Variants in CTNND2 observed in about 807,000 individuals in gnomAD.
CTNND2 encodes catenin delta-2.
In CTNND2, 22 loss-of-function variants were observed where a neutral mutation model predicts 144.4. The ratio of observed to expected loss-of-function variants is 0.15; its 90% CI spans 0.11 to 0.22. The LOEUF (loss-of-function observed/expected upper bound fraction) is 0.22, where lower values mean the gene tolerates loss of function less well. Among genes scored for constraint, CTNND2 ranks in the 10% least tolerant of loss-of-function variants. The pLI is 1.00. For missense variants in CTNND2, 1,353 were observed against 1,618.8 expected, an observed-to-expected ratio of 0.84 and a Z score of 2.82; for synonymous variants, 751 against 695.6, an observed-to-expected ratio of 1.08 and a Z score of -1.25.
At chr5:11,503,216 A>T (rs1247224853) in intron 3 of CTNND2, among the ~76,000 whole-genome samples, 2 of 152,212 alleles carry the variant, frequency 1.3e-5, no homozygotes, top group Non-Finnish European at 2.9e-5. Flanking sequence ...TGCAGGGGAG[A>T]CACAGCTTAT....
At chr5:11,557,495 C>T (rs1776322816) in intron 3 of CTNND2, among the ~76,000 whole-genome samples, 1 of 152,148 alleles carries the variant, frequency 6.6e-6, no homozygotes, top group Non-Finnish European at 1.5e-5. Flanking sequence ...ATCTGCATTA[C>T]TAGCCCACAA....
At position 11,397,196 on chromosome 5, in the gene CTNND2, G is replaced by C. The variant is rs1448873858; in HGVS notation, c.447C>G (p.Ser149Arg). 9 of 1,613,652 alleles carry C rather than the reference G, an allele frequency of 5.6e-6. No homozygotes were observed. The Admixed American group carries it at 1.3e-4, about 24-fold the overall frequency. Residue 149 changes from serine (S) to arginine (R), a missense_variant, in exon 6 of 22, where the codon AGC becomes AGG. Physicochemically the swap from Ser to Arg is moderately radical, Grantham distance 110. This residue lies in a region of CTNND2 where 708 missense variants were observed against 706.4 expected (regional missense o/e 1.00). Transcript: ENST00000304623. ...PQDYSTGERP[S>R]LLSQSALQLN... is the part of the protein sequence containing the mutation. ...GCTGAAGTGCACTCTGGGAGAGCAGGCTGGGCCCTGCATTGAAAGTCATTT... is the reference window on the plus strand; with the variant it reads ...GCTGAAGTGCACTCTGGGAGAGCAGCCTGGGCCCTGCATTGAAAGTCATTT...
intron 15 of CTNND2, among the ~76,000 whole-genome samples, chr5:11,093,434 T>C (rs181195618): frequency 1.8e-4 from 28 of 152,306 alleles, no homozygotes; most frequent in African/African-American, 5.8e-4. Context: ...AAAACATTTA[T>C]CACTTTGCTT....
chr5:11,582,545 C>T (rs1778517366), intron 2 of CTNND2, among the ~76,000 whole-genome samples: 2 of 152,228 alleles, frequency 1.3e-5, no homozygotes, highest in African/African-American at 4.8e-5. Context: ...AACAGCAGTG[C>T]ATTCCCTGTG....
intron 1 of CTNND2, among the ~76,000 whole-genome samples, chr5:11,793,958 C>CAAA (rs1323576787): frequency 1.3e-5 from 2 of 152,208 alleles, no homozygotes; most frequent in African/African-American, 2.4e-5. Flanking sequence ...ATATTTATGG[C>CAAA]ATATACTTAT....
intron 1 of CTNND2, among the ~76,000 whole-genome samples, chr5:11,815,402 T>C (rs1792567881): frequency 6.6e-6 from 1 of 152,212 alleles, no homozygotes; most frequent in Admixed American, 6.5e-5. Flanking sequence ...ATGTGAAAGA[T>C]GTCATTTAAT....
chr5:11,278,493 G>A (rs192453484), intron 9 of CTNND2, among the ~76,000 whole-genome samples: 7 of 152,282 alleles, frequency 4.6e-5, no homozygotes, highest in African/African-American at 1.4e-4. Flanking sequence ...AGGTGCTAGA[G>A]GGGACAAGCA....
chr5:11,591,431 C>G (rs532276148), intron 2 of CTNND2, among the ~76,000 whole-genome samples: 102 of 152,284 alleles, frequency 6.7e-4, no homozygotes, highest in Non-Finnish European at 8.5e-4. Context: ...TATCTCTCTT[C>G]TACATCTATT....
intron 2 of CTNND2, among the ~76,000 whole-genome samples, chr5:11,660,469 G>A (rs1055123043): frequency 1.3e-5 from 2 of 152,144 alleles, no homozygotes; most frequent in African/African-American, 4.8e-5. Context: ...GTTGAAAGAG[G>A]AGATGTCCAG....
intron 3 of CTNND2, among the ~76,000 whole-genome samples, chr5:11,511,554 T>C (rs192047363): frequency 7.9e-5 from 12 of 152,300 alleles, no homozygotes; most frequent in Admixed American, 7.2e-4. Context: ...TTTGGGGACA[T>C]ATGGTGGATG....
chr5:11,489,857 A>T (rs1769219723), intron 3 of CTNND2, among the ~76,000 whole-genome samples: 1 of 152,182 alleles, frequency 6.6e-6, no homozygotes, highest in Non-Finnish European at 1.5e-5. Flanking sequence ...CAACTTAGTG[A>T]ATGCGTACGA....
intron 1 of CTNND2, among the ~76,000 whole-genome samples, chr5:11,794,469 C>T (rs535099823): frequency 2.6e-5 from 4 of 152,148 alleles, no homozygotes; most frequent in Non-Finnish European, 4.4e-5. Context: ...TCAATGAGAG[C>T]GCACCAGAGG....
In CTNND2 at chr5:11,436,119, G is replaced by A. The variant is rs146124866; in HGVS notation, c.288-24050C>T. On this transcript the variant is annotated intron_variant, in intron 3 of 21. Coordinates refer to ENST00000304623, the MANE Select transcript of CTNND2 (RefSeq NM_001332.4). The stretch of plus-strand genomic sequence containing the variant: ...TTGCTCTCGGGGGCTGGCACAGTGG[G>A]AGAACCAATCCCTACCAAGGCACAA... Among the ~76,000 whole-genome samples, 14 of 152,056 alleles carry A rather than the reference G, an allele frequency of 9.2e-5. No individual in the cohort carries two copies. The East Asian group carries it at 2.5e-3, about 27-fold the overall frequency.
At chr5:11,672,572 T>C (rs1340613744) in intron 2 of CTNND2, among the ~76,000 whole-genome samples, 1 of 152,132 alleles carries the variant, frequency 6.6e-6, no homozygotes, top group Non-Finnish European at 1.5e-5. Flanking sequence ...GTTTACACTG[T>C]GAGGGTAAAA....
At chr5:11,462,835 C>A (rs1766338452) in intron 3 of CTNND2, among the ~76,000 whole-genome samples, 1 of 151,970 alleles carries the variant, frequency 6.6e-6, no homozygotes. Context: ...AGCAAATAAA[C>A]CACCACCAAG....
At chr5:11,497,141 T>C (rs1770031305) in intron 3 of CTNND2, among the ~76,000 whole-genome samples, 1 of 151,946 alleles carries the variant, frequency 6.6e-6, no homozygotes, top group South Asian at 2.1e-4. Flanking sequence ...TGTCTGTGTG[T>C]CTCTAAAGTG....
At chr5:11,305,707 G>C (rs767327189) in intron 9 of CTNND2, among the ~76,000 whole-genome samples, 2 of 152,228 alleles carry the variant, frequency 1.3e-5, no homozygotes, top group Admixed American at 6.5e-5. Flanking sequence ...ACTATGTTAA[G>C]TGTCAGGAAG....
intron 16 of CTNND2, among the ~76,000 whole-genome samples, chr5:11,058,714 C>G (rs1746603899): frequency 6.6e-6 from 1 of 152,188 alleles, no homozygotes. Flanking sequence ...CATCGTGAAG[C>G]TGGAAAAGTC....
At chr5:11,619,550 T>A (rs182835100) in intron 2 of CTNND2, among the ~76,000 whole-genome samples, 67 of 152,320 alleles carry the variant, frequency 4.4e-4, no homozygotes, top group Admixed American at 1.3e-3. Flanking sequence ...TTAAATCCTA[T>A]GTACAGGAGT....
Sources: allele counts gnomAD v4.1 joint callset (sites outside exome capture counted in the v4.1 genomes callset), GRCh38; gene constraint gnomAD v4.1.1; regional missense constraint gnomAD v4.1.1; transcripts MANE v1.5; gene names NCBI Gene and HGNC (gene_info 2026-07-23, HGNC 2026-07-21).